The following MTHFD1L variants were observed in gnomAD, a reference collection of about 807,000 sequenced individuals.
MTHFD1L encodes monofunctional C1-tetrahydrofolate synthase, mitochondrial.
In MTHFD1L, 81 loss-of-function variants were observed where a neutral mutation model predicts 119.5. That is an observed-to-expected ratio of 0.68 (90% CI 0.57 to 0.82). The LOEUF (loss-of-function observed/expected upper bound fraction) is 0.82. Among genes scored for constraint, MTHFD1L ranks in the 40% least tolerant of loss-of-function variants. MTHFD1L has a pLI of 0.00. For synonymous variants in MTHFD1L, 430 were observed against 475.2 expected, an observed-to-expected ratio of 0.90 and a Z score of 1.24; for missense variants, 1,125 against 1,253.4, an observed-to-expected ratio of 0.90 and a Z score of 1.55.
chr6:150,963,841 A>C (rs1444272675), intron 18 of MTHFD1L, among the ~76,000 whole-genome samples: 1 of 152,208 alleles, frequency 6.6e-6, no homozygotes, highest in Non-Finnish European at 1.5e-5. Flanking sequence ...GACACCACTT[A>C]AGGTCTTTAC....
At chr6:150,986,168 C>G (rs904999416) in intron 20 of MTHFD1L, among the ~76,000 whole-genome samples, 9 of 152,176 alleles carry the variant, frequency 5.9e-5, no homozygotes, top group African/African-American at 2.2e-4. Context: ...TAGTTTTACA[C>G]AGTGAATTTG....
At chr6:150,967,544 A>G (rs968468578) in intron 19 of MTHFD1L, among the ~76,000 whole-genome samples, 5 of 152,116 alleles carry the variant, frequency 3.3e-5, no homozygotes, top group African/African-American at 1.2e-4. Context: ...GCCATTTCAA[A>G]CTGATACATA....
chr6:150,879,848 C>G (rs192985448), intron 4 of MTHFD1L, among the ~76,000 whole-genome samples: 1 of 150,936 alleles, frequency 6.6e-6, no homozygotes, highest in Admixed American at 6.6e-5. Context: ...AGGCCGTTCT[C>G]GAACTCCTGA....
intron 1 of MTHFD1L, among the ~76,000 whole-genome samples, chr6:150,874,761 T>C (rs1057436675): frequency 6.6e-6 from 1 of 151,332 alleles, no homozygotes; most frequent in African/African-American, 2.4e-5. Context: ...GCTGAGCTCC[T>C]AACACTTTTT....
intron 20 of MTHFD1L, among the ~76,000 whole-genome samples, chr6:150,982,529 C>G (rs1251774259): frequency 6.6e-6 from 1 of 152,128 alleles, no homozygotes; most frequent in Non-Finnish European, 1.5e-5. Flanking sequence ...GAGATTTAGT[C>G]TAAAAGGTCT....
At chr6:150,882,500 A>G (rs1304427703) in intron 4 of MTHFD1L, among the ~76,000 whole-genome samples, 1 of 152,194 alleles carries the variant, frequency 6.6e-6, no homozygotes, top group Non-Finnish European at 1.5e-5. Context: ...TTTCTGGCAC[A>G]GAGTAGAGCC....
chr6:150,865,889 C>T lies in MTHFD1L; in HGVS notation c.67C>T (p.Arg23Cys). ...CCCGCCCCAGCCCCCGGGCCCTCCGCGCCGCCTCCGTGTGCCCTGTCGCGC... is the reference window on the plus strand; with the variant it reads ...CCCGCCCCAGCCCCCGGGCCCTCCGTGCCGCCTCCGTGTGCCCTGTCGCGC... ...RRPPQPPGPP[R>C]RLRVPCRASS... is the part of the protein sequence containing the mutation. Residue 23 changes from arginine to cysteine, a missense_variant, in exon 1 of 28, where the codon CGC becomes TGC. This residue lies in a region of MTHFD1L where 1,058 missense variants were observed against 1,151.2 expected (regional missense o/e 0.92). Transcript: ENST00000367321. The T allele has an allele frequency of 8.3e-7, 1 of 1,202,694 alleles. No homozygotes were observed. The highest frequency in any genetic ancestry group is 1.0e-6 in the Non-Finnish European group (1 of 971,794). 74.5% of individuals were successfully genotyped at this position (1,202,694 alleles called of 1,614,324 possible).
intron 26 of MTHFD1L, among the ~76,000 whole-genome samples, chr6:151,058,423 T>C (rs994921152): frequency 7.2e-5 from 11 of 152,234 alleles, no homozygotes; most frequent in African/African-American, 2.4e-4. Context: ...GTGGGTACAC[T>C]GTACAGAAAT....
intron 26 of MTHFD1L, among the ~76,000 whole-genome samples, chr6:151,062,049 G>C (rs1790703684): frequency 1.3e-5 from 2 of 152,142 alleles, no homozygotes; most frequent in African/African-American, 4.8e-5. Context: ...ATCACATCAA[G>C]GCCTCTACCT....
In MTHFD1L at chr6:151,034,668, T is replaced by A. The variant is rs1011327489; in HGVS notation, c.2694+68T>A. The A allele has an allele frequency of 1.3e-5, 13 of 1,006,848 alleles. No homozygotes were observed. In the Admixed American group the frequency reaches 1.5e-4, roughly 11 times the overall value. 62.4% of individuals were successfully genotyped at this position (1,006,848 alleles called of 1,614,324 possible). ...GGCTCTCAGAATACTCAGCTTGACTTGAGGATTTGTACATATCGCACCAGC... is the reference window on the plus strand; with the variant it reads ...GGCTCTCAGAATACTCAGCTTGACTAGAGGATTTGTACATATCGCACCAGC... On this transcript the variant is annotated intron_variant, in intron 25 of 27. Transcript: ENST00000367321.
chr6:150,873,937 C>T (rs1167946877), intron 1 of MTHFD1L, among the ~76,000 whole-genome samples: 2 of 152,154 alleles, frequency 1.3e-5, no homozygotes, highest in Admixed American at 6.5e-5. Flanking sequence ...TCCCGAAGTA[C>T]TGGGATTATA....
At chr6:150,952,668 T>C (rs1795024430) in intron 16 of MTHFD1L, among the ~76,000 whole-genome samples, 1 of 152,138 alleles carries the variant, frequency 6.6e-6, no homozygotes, top group African/African-American at 2.4e-5. Context: ...TAGCTGGGAC[T>C]ACAGGCATGC....
intron 8 of MTHFD1L, among the ~76,000 whole-genome samples, chr6:150,907,876 G>A (rs12195069): frequency 0.065 from 9,867 of 151,236 alleles, 330 homozygotes; most frequent in Middle Eastern, 0.1. Context: ...AGTACCTGAC[G>A]CTTAGTAACC....
At chr6:151,047,301 T>G (rs532411587) in intron 26 of MTHFD1L, among the ~76,000 whole-genome samples, 3 of 152,338 alleles carry the variant, frequency 2.0e-5, no homozygotes, top group African/African-American at 7.2e-5. Flanking sequence ...AGTAAATTGC[T>G]TTTGAGAGAA....
intron 1 of MTHFD1L, among the ~76,000 whole-genome samples, chr6:150,873,588 G>T (rs902985890): frequency 6.6e-6 from 1 of 152,112 alleles, no homozygotes; most frequent in Non-Finnish European, 1.5e-5. Flanking sequence ...TCCACTTAGT[G>T]TCTCAGAATT....
Position 151,024,529 on chromosome 6 carries a change from C to T in MTHFD1L, c.2586+8836C>T, listed in dbSNP as rs1784372793. ...CTGCATTCCAGCCTAAGCAACAGAG[C>T]CAAGCTCAAAAAAAAAAGGCCAGGC... On this transcript the variant is annotated intron_variant, in intron 24 of 27. Coordinates refer to ENST00000367321, the MANE Select transcript of MTHFD1L (RefSeq NM_015440.5). Among the ~76,000 whole-genome samples, 3 of 151,032 alleles carry T rather than the reference C, an allele frequency of 2.0e-5. No homozygotes were observed. The South Asian group carries it at 6.2e-4, about 31-fold the overall frequency.
At chr6:150,868,663 G>A (rs1264734274) in intron 1 of MTHFD1L, among the ~76,000 whole-genome samples, 1 of 151,934 alleles carries the variant, frequency 6.6e-6, no homozygotes, top group Admixed American at 6.6e-5. Context: ...CTAAGCCAGG[G>A]GTCCACAGAC....
intron 11 of MTHFD1L, chr6:150,934,950 A>C (rs1791795554): frequency 6.6e-7 from 1 of 1,522,232 alleles, no homozygotes; most frequent in Non-Finnish European, 8.8e-7. Context: ...AATTTGGGAC[A>C]TTTATTTGCA....
chr6:150,994,064 T>TAAAAAAAAA (rs746589557), intron 20 of MTHFD1L, among the ~76,000 whole-genome samples: 25 of 74,216 alleles, frequency 3.4e-4, no homozygotes, highest in African/African-American at 1.9e-3. Context: ...ACAACAACAG[T>TAAAAAAAAA]AAAAAAAAAA....
Sources: allele counts gnomAD v4.1 joint callset (sites outside exome capture counted in the v4.1 genomes callset), GRCh38; gene constraint gnomAD v4.1.1; regional missense constraint gnomAD v4.1.1; transcripts MANE v1.5; gene names NCBI Gene and HGNC (gene_info 2026-07-23, HGNC 2026-07-21).